Variants in SH3BGRL2 observed in about 807,000 individuals in gnomAD.
SH3BGRL2 encodes SH3 domain binding glutamate rich protein like 2, also known as SH3 domain-binding glutamic acid-rich-like protein 2.
SH3BGRL2 carries 21 observed loss-of-function variants against 14.8 expected under a neutral mutation model. That is an observed-to-expected ratio of 1.42 (90% CI 1.01 to 2.05). SH3BGRL2 has a LOEUF of 2.05. Among genes scored for constraint, SH3BGRL2 ranks in the 30% most tolerant of loss-of-function variants. The pLI is 0.00. For synonymous variants in SH3BGRL2, 50 were observed against 47.8 expected, an observed-to-expected ratio of 1.05 and a Z score of -0.19; for missense variants, 147 against 130.8, an observed-to-expected ratio of 1.12 and a Z score of -0.61.
chr6:79,623,981 T>A, the SH3BGRL2 span, among the ~76,000 whole-genome samples: 1 of 152,194 alleles, frequency 6.6e-6, no homozygotes, highest in Non-Finnish European at 1.5e-5. Context: ...TGAGAAATTA[T>A]AACAAATTCT....
intron 1 of SH3BGRL2, among the ~76,000 whole-genome samples, chr6:79,658,611 A>C (rs982841700): frequency 6.6e-6 from 1 of 152,218 alleles, no homozygotes; most frequent in Non-Finnish European, 1.5e-5. Context: ...ATATGTGTGC[A>C]TGTGTCTTTA....
chr6:79,655,121 T>C (rs1025247835), intron 1 of SH3BGRL2, among the ~76,000 whole-genome samples: 2 of 152,118 alleles, frequency 1.3e-5, no homozygotes, highest in Non-Finnish European at 2.9e-5. Context: ...AATGCAGTAG[T>C]GCAATACCTG....
the SH3BGRL2 span, among the ~76,000 whole-genome samples, chr6:79,541,626 C>T: frequency 2.0e-5 from 3 of 152,170 alleles, no homozygotes; most frequent in Non-Finnish European, 4.4e-5. Flanking sequence ...TTAACTCTGA[C>T]TGCCCACACT....
Position 79,631,366 on chromosome 6 carries a change from C to T in SH3BGRL2, c.-96C>T, listed in dbSNP as rs745882149. On this transcript the variant is annotated 5_prime_UTR_variant, in exon 1 of 4. Coordinates refer to ENST00000369838, the MANE Select transcript of SH3BGRL2 (RefSeq NM_031469.4). ...TCTTCCCCGACGGCAGCGCTTTACC[C>T]AGAGGCTGCCGGCGGCTCGTAGCTG... The T allele has an allele frequency of 1.6e-4, 194 of 1,177,522 alleles. 1 individual carries two copies. Among genetic ancestry groups the T allele is most frequent in the Non-Finnish European group, 2.1e-4 (189 of 881,960 alleles). The allele number at this position is 1,177,522 out of a possible 1,614,324, so 72.9% of individuals were successfully genotyped here.
At chr6:79,558,654 C>A in the SH3BGRL2 span, among the ~76,000 whole-genome samples, 1 of 151,738 alleles carries the variant, frequency 6.6e-6, no homozygotes, top group Admixed American at 6.6e-5. Context: ...CGCTTCAGCC[C>A]AGGAGTTGGA....
At chr6:79,648,673 C>T (rs965582313) in intron 1 of SH3BGRL2, among the ~76,000 whole-genome samples, 3 of 151,956 alleles carry the variant, frequency 2.0e-5, no homozygotes, top group Admixed American at 6.6e-5. Context: ...AATTCCCCCA[C>T]GTTTCCTTTT....
chr6:79,539,730 G>A, the SH3BGRL2 span, among the ~76,000 whole-genome samples: 110 of 152,084 alleles, frequency 7.2e-4, no homozygotes, highest in African/African-American at 2.5e-3. Context: ...TTGAATGGTT[G>A]GTTAGAAGTT....
the SH3BGRL2 span, among the ~76,000 whole-genome samples, chr6:79,564,845 T>A: frequency 6.6e-6 from 1 of 152,172 alleles, no homozygotes; most frequent in African/African-American, 2.4e-5. Context: ...CTCTTTGATA[T>A]CTGACCCGTA....
chr6:79,551,950 G>T, the SH3BGRL2 span, among the ~76,000 whole-genome samples: 2 of 152,170 alleles, frequency 1.3e-5, no homozygotes, highest in East Asian at 1.9e-4. Flanking sequence ...AATTAGCCGG[G>T]TGTGGTGGTG....
chr6:79,676,927 A>T (rs1036903931), intron 2 of SH3BGRL2, among the ~76,000 whole-genome samples: 1 of 152,160 alleles, frequency 6.6e-6, no homozygotes, highest in Non-Finnish European at 1.5e-5. Context: ...TTTATATTAC[A>T]TATTGATTAA....
At chr6:79,598,908 C>A in the SH3BGRL2 span, among the ~76,000 whole-genome samples, 2 of 151,880 alleles carry the variant, frequency 1.3e-5, no homozygotes, top group Admixed American at 1.3e-4. Flanking sequence ...CATGGAGAAA[C>A]CCTGTCTCTA....
At chr6:79,635,810 G>C (rs1294933032) in intron 1 of SH3BGRL2, among the ~76,000 whole-genome samples, 2 of 152,224 alleles carry the variant, frequency 1.3e-5, no homozygotes, top group Non-Finnish European at 2.9e-5. Flanking sequence ...ACCATGCTCA[G>C]AGTTGTCTTG....
At chr6:79,539,768 A>G in the SH3BGRL2 span, among the ~76,000 whole-genome samples, 1 of 152,096 alleles carries the variant, frequency 6.6e-6, no homozygotes, top group Non-Finnish European at 1.5e-5. Context: ...AGATAAATAG[A>G]CTCTCTAACT....
At chr6:79,594,809 C>T in the SH3BGRL2 span, among the ~76,000 whole-genome samples, 27 of 152,224 alleles carry the variant, frequency 1.8e-4, no homozygotes, top group East Asian at 5.0e-3. Flanking sequence ...TCCTACCTCA[C>T]ATCTTAAAAT....
At chr6:79,565,996 C>G in the SH3BGRL2 span, among the ~76,000 whole-genome samples, 22 of 152,294 alleles carry the variant, frequency 1.4e-4, no homozygotes, top group African/African-American at 5.1e-4. Context: ...CTTCACAGAA[C>G]TTACCTATTC....
At chr6:79,580,705 C>T in the SH3BGRL2 span, among the ~76,000 whole-genome samples, 3 of 152,078 alleles carry the variant, frequency 2.0e-5, no homozygotes, top group African/African-American at 2.4e-5. Flanking sequence ...GATCTAAAAT[C>T]GACACACTAA....
rs916867410 is a variant in SH3BGRL2 at position 79,665,691 on chromosome 6, G to C, written c.46-7923G>C. Among the ~76,000 whole-genome samples the C allele has an allele frequency of 4.5e-4, 69 of 152,190 alleles. 1 individual carries two copies. Among genetic ancestry groups the C allele is most frequent in the Admixed American group, 4.5e-3 (69 of 15,288 alleles). On this transcript the variant is annotated intron_variant, in intron 1 of 3. Transcript: ENST00000369838. Reference sequence around the variant, plus strand: ...ATACAAATATTTGCCCATGTAGTAAGTGCCAGGGACTGTGCTAGTGATACA... The same window carrying C: ...ATACAAATATTTGCCCATGTAGTAACTGCCAGGGACTGTGCTAGTGATACA...
chr6:79,696,806 T>G (rs949191846), intron 3 of SH3BGRL2, among the ~76,000 whole-genome samples: 6 of 152,144 alleles, frequency 3.9e-5, no homozygotes, highest in African/African-American at 1.4e-4. Context: ...TATTTTTAAT[T>G]TATACCCCAT....
intron 1 of SH3BGRL2, among the ~76,000 whole-genome samples, chr6:79,648,201 A>G (rs1443237989): frequency 7.2e-6 from 1 of 138,900 alleles, no homozygotes; most frequent in African/African-American, 2.7e-5. Context: ...TTTGGGCCCT[A>G]TGTGATCTGA....
Sources: gnomAD v4.1 joint callset for allele counts (sites outside exome capture counted in the v4.1 genomes callset) on GRCh38, gnomAD v4.1.1 for gene constraint, MANE v1.5 for transcripts, NCBI Gene and HGNC (gene_info 2026-07-23, HGNC 2026-07-21) for gene names.